CD44: variants seen among roughly 807,000 people sequenced by gnomAD.
CD44 encodes the protein CD44 antigen.
In CD44, 49 loss-of-function variants were observed where a neutral mutation model predicts 88.8. The observed-to-expected ratio is 0.55, with a 90% CI of 0.44 to 0.70. CD44 has a LOEUF of 0.70. Ranked by LOEUF, CD44 falls within the 30% of genes least tolerant of loss-of-function variation. The pLI is 0.00. For synonymous variants in CD44, 325 were observed against 312.3 expected (o/e 1.04, Z -0.43); for missense variants, 883 against 913.8 (o/e 0.97, Z 0.43).
chr11:35,197,369 T>C (rs1254878074), intron 6 of CD44: 1 of 152,454 alleles, frequency 6.6e-6, no homozygotes, highest in African/African-American at 2.4e-5. Context: ...AACCCCTTTT[T>C]AGTAAAGAGA....
chr11:35,228,370 A>T (rs1450986438), intron 17 of CD44, among the ~76,000 whole-genome samples: 1 of 152,186 alleles, frequency 6.6e-6, no homozygotes, highest in East Asian at 1.9e-4. Flanking sequence ...CTCTAGAAAA[A>T]TGTTGTTTTA....
intron 10 of CD44, 50 bp from the exon 11 acceptor site, chr11:35,206,062 A>G (rs913472343): frequency 1.3e-6 from 2 of 1,555,306 alleles, no homozygotes; most frequent in Non-Finnish European, 1.7e-6. Flanking sequence ...TGTATCCCTG[A>G]CCAAGCGTCC....
chr11:35,206,211 T>C lies in CD44; in HGVS notation c.1382T>C (p.Met461Thr), dbSNP rs79985395. The C allele has an allele frequency of 3.5e-4, 556 of 1,611,130 alleles. No homozygotes were observed. In the African/African-American group the frequency reaches 5.5e-3, roughly 16 times the overall value. The change falls in exon 11 of 18, where the codon ATG becomes ACG. Residue 461 changes from methionine (M) to threonine (T), a missense_variant. Coordinates refer to ENST00000428726, the MANE Select transcript of CD44 (RefSeq NM_000610.4). ...TDFFNPISHP[M>T]GRGHQAGRRM... ...TTCTTCAACCCAATCTCACACCCCA[T>C]GGGACGAGGTCATCAAGCAGGAAGA...
chr11:35,178,979 GC>G (rs1361186901), intron 2 of CD44, among the ~76,000 whole-genome samples: 2 of 152,242 alleles, frequency 1.3e-5, no homozygotes, highest in East Asian at 3.9e-4. Context: ...TCTTTTGTCT[GC>G]CCCACCCTGA....
At chr11:35,164,314 T>C (rs1479495304) in intron 1 of CD44, among the ~76,000 whole-genome samples, 1 of 152,242 alleles carries the variant, frequency 6.6e-6, no homozygotes, top group Non-Finnish European at 1.5e-5. Flanking sequence ...GAGTGGATTG[T>C]ACTCAGCCTC....
chr11:35,204,832 T>C, intron 10 of CD44, 192 bp downstream of exon 10: 1 of 534,078 alleles, frequency 1.9e-6, no homozygotes, highest in Non-Finnish European at 3.3e-6. Context: ...CAGGAATGGA[T>C]ACAAGCCAGT....
At position 35,229,355 on chromosome 11, in the gene CD44, A is replaced by C; in HGVS notation, c.*22A>C. The C allele has an allele frequency of 1.3e-6, 2 of 1,501,688 alleles. No homozygotes were observed. Among genetic ancestry groups the C allele is most frequent in the Non-Finnish European group, 1.9e-6 (2 of 1,079,748 alleles). 93.0% of individuals were successfully genotyped at this position (1,501,688 alleles called of 1,614,324 possible). A position where few individuals can be genotyped will look rare whatever the true frequency, so the allele number is the denominator to read the frequency against. On this transcript the variant is annotated 3_prime_UTR_variant, in exon 18 of 18. Transcript: ENST00000428726. ...GTAACACCTACACCATTATCTTGGA[A>C]AGAAACAACCGTTGGAAACATAACC...
chr11:35,185,108 G>A (rs1233777738), intron 3 of CD44, among the ~76,000 whole-genome samples: 1 of 152,196 alleles, frequency 6.6e-6, no homozygotes, highest in Non-Finnish European at 1.5e-5. Context: ...CATCAAGTAA[G>A]ATGAACAAGA....
At chr11:35,226,809 T>A (rs1949716307) in intron 17 of CD44, among the ~76,000 whole-genome samples, 1 of 151,910 alleles carries the variant, frequency 6.6e-6, no homozygotes, top group African/African-American at 2.4e-5. Flanking sequence ...GTTAAGTGAG[T>A]TGCCCCAGGT....
chr11:35,216,774 T>A (rs1948863329), intron 15 of CD44, among the ~76,000 whole-genome samples: 1 of 152,210 alleles, frequency 6.6e-6, no homozygotes, highest in Non-Finnish European at 1.5e-5. Context: ...TCTCTAAGTA[T>A]GATTCTTTAA....
Position 35,229,469 on chromosome 11 carries a change from T to C in CD44, c.*136T>C. 1.6e-6 allele frequency: 1 copy of C among 622,162 alleles called. No homozygotes were observed. Among genetic ancestry groups the C allele is most frequent in the South Asian group, 2.2e-5 (1 of 45,300 alleles). The allele number at this position is 622,162 out of a possible 1,614,324, so 38.5% of individuals were successfully genotyped here. A position where few individuals can be genotyped will look rare whatever the true frequency, so the allele number is the denominator to read the frequency against. On this transcript the variant is annotated 3_prime_UTR_variant, in exon 18 of 18. Transcript: ENST00000428726. ...TTTTAGCATAAAATTTTCTACTCTT[T>C]TTGTTTTTTGTGTTTTGTTCTTTAA...
intron 8 of CD44, 98 bp from the exon 9 acceptor site, chr11:35,201,573 C>A: frequency 1.4e-6 from 2 of 1,457,724 alleles, no homozygotes; most frequent in South Asian, 1.2e-5. Flanking sequence ...AACACTTTGG[C>A]ATAGAATTGT....
intron 13 of CD44, chr11:35,210,753 G>C (rs1948317258): frequency 6.1e-6 from 1 of 162,960 alleles, no homozygotes; most frequent in Admixed American, 5.7e-5. Context: ...CCATGGTGCT[G>C]ATGACTAAAA....
rs538380186 is a variant in CD44 at position 35,182,613 on chromosome 11, T to TA, written c.367+2212dup. Among the ~76,000 whole-genome samples the TA allele has an allele frequency of 1.5e-3, 226 of 152,142 alleles. 1 individual carries two copies. Among genetic ancestry groups the TA allele is most frequent in the African/African-American group, 5.3e-3 (220 of 41,494 alleles). On this transcript the variant is annotated intron_variant, in intron 3 of 17. Coordinates refer to ENST00000428726, the MANE Select transcript of CD44 (RefSeq NM_000610.4). ...GATATTATAATGAGAAAACCACATA[T>TA]AAAAAAGTAAGAAATAGACATAGAG...
chr11:35,161,335 A>T (rs1463152915), intron 1 of CD44, among the ~76,000 whole-genome samples: 3 of 152,184 alleles, frequency 2.0e-5, no homozygotes, highest in Non-Finnish European at 4.4e-5. Context: ...AGCATGCATA[A>T]CATCCCACAA....
At chr11:35,170,335 C>T (rs548169829) in intron 1 of CD44, among the ~76,000 whole-genome samples, 1 of 152,274 alleles carries the variant, frequency 6.6e-6, no homozygotes, top group African/African-American at 2.4e-5. Flanking sequence ...ACAAAAAAAC[C>T]TTCTTTCAGA....
At chr11:35,152,826 C>T (rs912392341) in intron 1 of CD44, among the ~76,000 whole-genome samples, 1 of 152,124 alleles carries the variant, frequency 6.6e-6, no homozygotes, top group East Asian at 1.9e-4. Flanking sequence ...GCTCTCAGTG[C>T]CAGCTCTCAG....
intron 1 of CD44, among the ~76,000 whole-genome samples, chr11:35,146,625 G>T (rs946430908): frequency 1.3e-5 from 2 of 152,242 alleles, no homozygotes; most frequent in Non-Finnish European, 2.9e-5. Flanking sequence ...GAGGCACAGA[G>T]AATTTAAGTA....
At chr11:35,213,660 G>GA (rs1209796677) in intron 14 of CD44, 1 of 152,182 alleles carries the variant, frequency 6.6e-6, no homozygotes, top group Admixed American at 6.6e-5. Flanking sequence ...CCCCAAAAAA[G>GA]AACTGAAGCA....
Sources: allele counts gnomAD v4.1 joint callset (sites outside exome capture counted in the v4.1 genomes callset), GRCh38; gene constraint gnomAD v4.1.1; transcripts MANE v1.5; gene names NCBI Gene and HGNC (gene_info 2026-07-23, HGNC 2026-07-21).